NRXN3: variants seen among roughly 807,000 people sequenced by gnomAD.
The protein encoded by NRXN3 is neurexin III.
NRXN3 carries 32 observed loss-of-function variants against 137.6 expected under a neutral mutation model. That is an observed-to-expected ratio of 0.23 (90% confidence interval 0.18 to 0.31). The LOEUF is 0.31. Among genes scored for constraint, NRXN3 ranks in the 10% least tolerant of loss-of-function variants. The probability of loss-of-function intolerance (pLI) is 1.00; values close to 1 mark genes in which losing one functional copy is unlikely to be tolerated. For missense variants in NRXN3, 1,574 were observed against 2,062.5 expected, an observed-to-expected ratio of 0.76 and a Z score of 4.59; for synonymous variants, 798 against 784.5, an observed-to-expected ratio of 1.02 and a Z score of -0.29.
chr14:79,149,917 G>A (rs1397560994), intron 15 of NRXN3, among the ~76,000 whole-genome samples: 1 of 152,032 alleles, frequency 6.6e-6, no homozygotes, highest in African/African-American at 2.4e-5. Flanking sequence ...TTAATACCTA[G>A]GTGATGGGTT....
At chr14:79,126,321 CCCCCCG>C (rs1156328077) in intron 15 of NRXN3, among the ~76,000 whole-genome samples, 2 of 139,376 alleles carry the variant, frequency 1.4e-5, no homozygotes, top group Non-Finnish European at 3.1e-5. Context: ...GCTATCCCTC[CCCCCCG>C]CCCCACCCCA....
At chr14:78,202,794 T>G (rs11850806) in intron 1 of NRXN3, among the ~76,000 whole-genome samples, 14,304 of 152,214 alleles carry the variant, frequency 0.094, 1,522 homozygotes, top group African/African-American at 0.26. Flanking sequence ...AATTTCCGAG[T>G]ACTGTGTGCT....
At chr14:79,563,681 G>T (rs61995210) in intron 16 of NRXN3, among the ~76,000 whole-genome samples, 5 of 146,696 alleles carry the variant, frequency 3.4e-5, no homozygotes, top group African/African-American at 1.3e-4. Flanking sequence ...AAAAAAAAAG[G>T]AGAAAGCATG....
intron 20 of NRXN3, among the ~76,000 whole-genome samples, chr14:79,831,567 G>A (rs1010971737): frequency 2.0e-5 from 3 of 152,122 alleles, no homozygotes; most frequent in Non-Finnish European, 2.9e-5. Context: ...TTTGCCAAAC[G>A]AGGGTTTTCT....
intron 2 of NRXN3, among the ~76,000 whole-genome samples, chr14:78,278,078 G>C (rs1020288471): frequency 6.6e-6 from 1 of 152,246 alleles, no homozygotes; most frequent in African/African-American, 2.4e-5. Context: ...GGGGAGGCGG[G>C]GAATTGTAAA....
chr14:79,805,949 G>A (rs543359442), intron 20 of NRXN3, among the ~76,000 whole-genome samples: 150 of 152,186 alleles, frequency 9.9e-4, no homozygotes, highest in African/African-American at 3.5e-3. Context: ...TCTTTATAGT[G>A]AGCTACATAT....
At chr14:79,685,169 A>G (rs1048557466) in intron 17 of NRXN3, among the ~76,000 whole-genome samples, 9 of 152,178 alleles carry the variant, frequency 5.9e-5, no homozygotes, top group Admixed American at 4.6e-4. Context: ...GGTACTTGTT[A>G]TAACAAATCA....
chr14:78,341,640 A>C (rs1567309542), intron 4 of NRXN3, among the ~76,000 whole-genome samples: 1 of 152,174 alleles, frequency 6.6e-6, no homozygotes, highest in Non-Finnish European at 1.5e-5. Context: ...CCTTCTGTAA[A>C]GATAATCTCT....
chr14:79,489,119 G>A (rs1229880065), intron 16 of NRXN3, among the ~76,000 whole-genome samples: 1 of 152,140 alleles, frequency 6.6e-6, no homozygotes, highest in Non-Finnish European at 1.5e-5. Flanking sequence ...TAATGAAAGA[G>A]AATGCATCAA....
chr14:78,301,085 G>A (rs1280184876), intron 4 of NRXN3, among the ~76,000 whole-genome samples: 2 of 150,158 alleles, frequency 1.3e-5, no homozygotes, highest in South Asian at 2.1e-4. Flanking sequence ...TAACATTGGT[G>A]GGGGAAGGAT....
intron 10 of NRXN3, among the ~76,000 whole-genome samples, chr14:78,884,123 TCTC>T (rs1408148599): frequency 6.6e-6 from 1 of 152,174 alleles, no homozygotes; most frequent in Non-Finnish European, 1.5e-5. Flanking sequence ...AGAAAGTTCT[TCTC>T]CTAATGGTTT....
At chr14:79,454,092 T>G (rs2096220895) in intron 15 of NRXN3, among the ~76,000 whole-genome samples, 1 of 144,180 alleles carries the variant, frequency 6.9e-6, no homozygotes, top group African/African-American at 2.5e-5. Context: ...TGGAACTTTG[T>G]TTTTTTTTTT....
At chr14:79,454,058 A>C (rs566324949) in intron 15 of NRXN3, among the ~76,000 whole-genome samples, 9 of 152,196 alleles carry the variant, frequency 5.9e-5, no homozygotes, top group Non-Finnish European at 1.3e-4. Flanking sequence ...TTAAATACTA[A>C]AATCACTCTT....
chr14:79,721,062 A>G (rs2098842785), intron 19 of NRXN3, among the ~76,000 whole-genome samples: 1 of 152,146 alleles, frequency 6.6e-6, no homozygotes. Flanking sequence ...AATGTGATCT[A>G]TCTCTCTAAT....
chr14:79,629,378 T>G (rs1395313746), intron 16 of NRXN3, among the ~76,000 whole-genome samples: 1 of 152,228 alleles, frequency 6.6e-6, no homozygotes, highest in Non-Finnish European at 1.5e-5. Flanking sequence ...CTTGAATGAC[T>G]TCCTCCTGGA....
At chr14:79,190,560 G>A (rs781385868) in intron 15 of NRXN3, among the ~76,000 whole-genome samples, 3 of 152,078 alleles carry the variant, frequency 2.0e-5, no homozygotes, top group Non-Finnish European at 4.4e-5. Context: ...CAGTTGCCCC[G>A]GTGTGCTACT....
intron 15 of NRXN3, among the ~76,000 whole-genome samples, chr14:79,009,059 G>T (rs1406620940): frequency 6.6e-6 from 1 of 152,110 alleles, no homozygotes; most frequent in Non-Finnish European, 1.5e-5. Flanking sequence ...GCCCTGTTCA[G>T]GTCTCCCGTG....
rs376087923 is a variant in NRXN3, at chr14:79,861,985, C to T, written c.*21C>T. 20 of 1,568,972 alleles carry T rather than the reference C, an allele frequency of 1.3e-5. No homozygotes were observed. Among genetic ancestry groups the T allele is most frequent in the African/African-American group, 1.1e-4 (8 of 73,690 alleles). On this transcript the variant is annotated 3_prime_UTR_variant, in exon 21 of 21. Transcript: ENST00000335750. The surrounding 1 kb of genome is among the most constrained non-coding windows in gnomAD (Gnocchi z 5.4). ...TGTAAACATGCGAACACTGCTCACA[C>T]GCGAGTTTTCACAGTTATTTCTATC...
chr14:78,566,893 A>T (rs1052739098), intron 4 of NRXN3, among the ~76,000 whole-genome samples: 19 of 152,184 alleles, frequency 1.2e-4, no homozygotes, highest in African/African-American at 4.3e-4. Flanking sequence ...CCCTTGCACC[A>T]CAGTGTTTCC....
Sources: gnomAD v4.1 joint callset for allele counts (sites outside exome capture counted in the v4.1 genomes callset) on GRCh38, gnomAD v4.1.1 for gene constraint, Gnocchi (gnomAD v3.1) non-coding constraint, MANE v1.5 for transcripts, NCBI Gene and HGNC (gene_info 2026-07-23, HGNC 2026-07-21) for gene names.